Variants in SAMD12 observed in about 807,000 individuals in gnomAD.
SAMD12 encodes the protein sterile alpha motif domain-containing protein 12.
Under a neutral mutation model 15.0 loss-of-function variants are expected in SAMD12, and 9 were observed. The observed-to-expected ratio is 0.60, with a 90% CI of 0.36 to 1.05. SAMD12 has a LOEUF of 1.05. Among genes scored for constraint, SAMD12 ranks in the 50% least tolerant of loss-of-function variants. The pLI, the probability that SAMD12 is intolerant of heterozygous loss-of-function variation, is 0.01. For synonymous variants in SAMD12, 86 were observed against 90.1 expected (o/e 0.96, Z 0.25); for missense variants, 230 against 234.2 (o/e 0.98, Z 0.12).
intron 1 of SAMD12, among the ~76,000 whole-genome samples, chr8:118,618,811 C>A (rs1382518825): frequency 6.7e-6 from 1 of 149,454 alleles, no homozygotes; most frequent in Non-Finnish European, 1.5e-5. Flanking sequence ...TGCATTCCAG[C>A]CTGGGCGACA....
At chr8:118,477,927 T>A (rs1433699187) in intron 2 of SAMD12, among the ~76,000 whole-genome samples, 2 of 147,040 alleles carry the variant, frequency 1.4e-5, no homozygotes, top group African/African-American at 5.0e-5. Flanking sequence ...GGCAGGAGAA[T>A]GGTGTGAACC....
chr8:118,182,290 C>G, the SAMD12 span, among the ~76,000 whole-genome samples: 1 of 152,240 alleles, frequency 6.6e-6, no homozygotes, highest in Non-Finnish European at 1.5e-5. Context: ...GTATTGAAGG[C>G]ATAGCCCTCA....
chr8:118,261,683 A>G (rs1452858298), intron 4 of SAMD12, among the ~76,000 whole-genome samples: 1 of 151,688 alleles, frequency 6.6e-6, no homozygotes, highest in Non-Finnish European at 1.5e-5. Context: ...GGCAGAGTTA[A>G]TAGTAATGAT....
Position 118,320,445 on chromosome 8 carries a change from T to A in SAMD12, c.433+59115A>T, listed in dbSNP as rs376508343. Among the ~76,000 whole-genome samples, 13 of 152,320 alleles carry A rather than the reference T, an allele frequency of 8.5e-5. No individual in the cohort carries two copies. The East Asian group carries it at 2.3e-3, about 27-fold the overall frequency. On this transcript the variant is annotated intron_variant, in intron 4 of 4. Coordinates refer to the SAMD12 transcript ENST00000409003. ...AACCCTCTGGGTCTCTTTTCAAGAATGTTTTTATTTTCTTTTTTTGTTTGT... is the reference window on the plus strand; with the variant it reads ...AACCCTCTGGGTCTCTTTTCAAGAAAGTTTTTATTTTCTTTTTTTGTTTGT...
At chr8:118,334,419 C>T (rs897199627) in intron 4 of SAMD12, among the ~76,000 whole-genome samples, 2 of 152,134 alleles carry the variant, frequency 1.3e-5, no homozygotes, top group South Asian at 2.1e-4. Flanking sequence ...GCCTTTGTAT[C>T]TAAGATATGT....
At chr8:118,551,310 A>C (rs928548495) in intron 2 of SAMD12, among the ~76,000 whole-genome samples, 15 of 152,172 alleles carry the variant, frequency 9.9e-5, no homozygotes, top group Non-Finnish European at 2.2e-4. Flanking sequence ...AAAGAACAGA[A>C]ATTATAACAA....
Position 118,321,139 on chromosome 8 carries a change from T to TAATAAATA in SAMD12, c.433+58413_433+58420dup, listed in dbSNP as rs1360713469. Among the ~76,000 whole-genome samples, 167 of 90,214 alleles carry TAATAAATA rather than the reference T, an allele frequency of 1.9e-3. 5 individuals carry two copies. The highest frequency in any genetic ancestry group is 6.7e-3 in the African/African-American group (150 of 22,228). 59.2% of individuals were successfully genotyped at this position (90,214 alleles called of 152,430 possible). On this transcript the variant is annotated intron_variant, in intron 4 of 4. Transcript: ENST00000409003. ...ATATATATAACATATATATCATAGATAATAAATATATATATATATATATAT... is the reference window on the plus strand; with the variant it reads ...ATATATATAACATATATATCATAGATAATAAATAAATAAATATATATATATATATATAT...
At chr8:118,407,692 G>A (rs1168793231) in intron 3 of SAMD12, among the ~76,000 whole-genome samples, 1 of 152,070 alleles carries the variant, frequency 6.6e-6, no homozygotes, top group Non-Finnish European at 1.5e-5. Flanking sequence ...GTGATTTTTG[G>A]TGACAGTTTC....
chr8:118,318,661 T>G (rs1816071765), intron 4 of SAMD12, among the ~76,000 whole-genome samples: 1 of 152,020 alleles, frequency 6.6e-6, no homozygotes, highest in Non-Finnish European at 1.5e-5. Flanking sequence ...AATTCACCTC[T>G]ATATAAGTCA....
chr8:118,548,384 T>TACACACACACACAA (rs1554583413), intron 2 of SAMD12, among the ~76,000 whole-genome samples: 1 of 139,800 alleles, frequency 7.2e-6, no homozygotes, highest in Non-Finnish European at 1.6e-5. Flanking sequence ...AAAACACACA[T>TACACACACACACAA]ACACACACAC....
chr8:118,558,459 A>G (rs943085214), intron 2 of SAMD12, among the ~76,000 whole-genome samples: 3 of 152,326 alleles, frequency 2.0e-5, no homozygotes, highest in Admixed American at 2.0e-4. Context: ...CATCTTGATA[A>G]TATCTATTCT....
At chr8:118,438,613 G>T (rs923443715) in intron 3 of SAMD12, among the ~76,000 whole-genome samples, 43 of 151,994 alleles carry the variant, frequency 2.8e-4, no homozygotes, top group African/African-American at 9.7e-4. Flanking sequence ...TTCTAAGAAG[G>T]TGAACTGACC....
At chr8:118,605,544 T>G (rs1287165307) in intron 1 of SAMD12, among the ~76,000 whole-genome samples, 1 of 152,112 alleles carries the variant, frequency 6.6e-6, no homozygotes, top group Non-Finnish European at 1.5e-5. Flanking sequence ...GGGTTTGAAT[T>G]CTTACTCTCT....
At position 118,618,379 on chromosome 8, in the gene SAMD12, T is replaced by G. The variant is rs551022591; in HGVS notation, c.13+3425A>C. ...TTACACATAGTAAAAAACCTTCTAA[T>G]TTGTTACTAATTAGAAAAACTGGCT... is the stretch of plus-strand genomic sequence containing the variant. On this transcript the variant is annotated intron_variant, in intron 1 of 3. Coordinates refer to ENST00000314727, the MANE Select transcript of SAMD12 (RefSeq NM_207506.3). 2.0e-5 allele frequency among the ~76,000 whole-genome samples: 3 copies of G among 152,312 alleles called. No homozygotes were observed. In the East Asian group the frequency reaches 5.8e-4, roughly 29 times the overall value.
chr8:118,462,294 T>C (rs1488510891), intron 2 of SAMD12, among the ~76,000 whole-genome samples: 1 of 152,246 alleles, frequency 6.6e-6, no homozygotes, highest in Admixed American at 6.5e-5. Flanking sequence ...ATATGGTTAT[T>C]CTGTTAAGCT....
intron 4 of SAMD12, among the ~76,000 whole-genome samples, chr8:118,364,051 C>T (rs770478112): frequency 2.0e-5 from 3 of 152,192 alleles, no homozygotes; most frequent in Non-Finnish European, 2.9e-5. Flanking sequence ...TGCTACCTAA[C>T]TCTGAGACTT....
intron 4 of SAMD12, among the ~76,000 whole-genome samples, chr8:118,333,260 G>C (rs1816888979): frequency 6.6e-6 from 1 of 152,134 alleles, no homozygotes; most frequent in Admixed American, 6.5e-5. Flanking sequence ...GTGCACAGTT[G>C]AGATTTTTAT....
chr8:118,353,975 C>T (rs934144917), intron 4 of SAMD12, among the ~76,000 whole-genome samples: 16 of 152,156 alleles, frequency 1.1e-4, no homozygotes, highest in African/African-American at 3.9e-4. Context: ...GGCATCTGAC[C>T]CCTCCTCCAA....
At chr8:118,262,892 A>G (rs1432669516) in intron 4 of SAMD12, among the ~76,000 whole-genome samples, 1 of 152,148 alleles carries the variant, frequency 6.6e-6, no homozygotes. Flanking sequence ...GAGGCACTCA[A>G]ATAACTTTAA....
Sources: allele counts gnomAD v4.1 joint callset (sites outside exome capture counted in the v4.1 genomes callset), GRCh38; gene constraint gnomAD v4.1.1; transcripts MANE v1.5; gene names NCBI Gene and HGNC (gene_info 2026-07-23, HGNC 2026-07-21).